The following NBAS variants were observed in gnomAD, a reference collection of about 807,000 sequenced individuals.
The protein encoded by NBAS is NBAS subunit of NRZ tethering complex, also known as NAG/BC035112 fusion.
Under a neutral mutation model 302.5 loss-of-function variants are expected in NBAS, and 219 were observed. The observed-to-expected ratio is 0.72, with a 90% CI of 0.65 to 0.81. NBAS has a LOEUF of 0.81. Ranked by LOEUF, NBAS falls within the 30% of genes least tolerant of loss-of-function variation. The pLI, the probability that NBAS is intolerant of heterozygous loss-of-function variation, is 0.00. For missense variants in NBAS, 2,932 were observed against 2,841.6 expected, an observed-to-expected ratio of 1.03 and a Z score of -0.72; for synonymous variants, 1,118 against 1,021.6, an observed-to-expected ratio of 1.09 and a Z score of -1.80.
the NBAS span, among the ~76,000 whole-genome samples, chr2:14,975,936 C>G: frequency 3.9e-5 from 6 of 152,206 alleles, no homozygotes; most frequent in Non-Finnish European, 7.3e-5. Flanking sequence ...AACATGCCCT[C>G]TGACAATGAT....
At chr2:15,192,506 T>G (rs1003743477) in intron 48 of NBAS, among the ~76,000 whole-genome samples, 1 of 151,828 alleles carries the variant, frequency 6.6e-6, no homozygotes, top group Non-Finnish European at 1.5e-5. Flanking sequence ...AAAAGAAAAA[T>G]TACTATTAAA....
the NBAS span, among the ~76,000 whole-genome samples, chr2:14,971,777 G>A: frequency 1.3e-5 from 2 of 152,186 alleles, no homozygotes; most frequent in African/African-American, 2.4e-5. Context: ...TCACATCTGA[G>A]TCTCAGCTAA....
At chr2:15,035,051 T>C in the NBAS span, among the ~76,000 whole-genome samples, 1 of 152,170 alleles carries the variant, frequency 6.6e-6, no homozygotes, top group African/African-American at 2.4e-5. Flanking sequence ...CGATGTACAG[T>C]ATTTCATAGT....
the NBAS span, among the ~76,000 whole-genome samples, chr2:15,092,089 T>C: frequency 6.6e-6 from 1 of 152,212 alleles, no homozygotes; most frequent in Non-Finnish European, 1.5e-5. Flanking sequence ...ACTGAGGCCC[T>C]GGTCACAGTA....
At chr2:15,366,762 A>G (rs1674229311) in intron 31 of NBAS, 69 bp from the exon 32 acceptor site, 2 of 1,366,558 alleles carry the variant, frequency 1.5e-6, no homozygotes, top group Admixed American at 3.4e-5. Flanking sequence ...GGCCTTCCTA[A>G]TGCAAGGCAT....
chr2:15,145,009 T>A, the NBAS span, among the ~76,000 whole-genome samples: 2 of 151,354 alleles, frequency 1.3e-5, no homozygotes, highest in Admixed American at 6.6e-5. Context: ...TTGGTGTAGC[T>A]ATGAGTAGAG....
the NBAS span, among the ~76,000 whole-genome samples, chr2:14,936,631 G>T: frequency 6.6e-6 from 1 of 152,156 alleles, no homozygotes; most frequent in South Asian, 2.1e-4. Context: ...ACCTGATAAG[G>T]GTGGTGTCTC....
At chr2:14,869,280 G>T in the NBAS span, among the ~76,000 whole-genome samples, 2 of 152,058 alleles carry the variant, frequency 1.3e-5, no homozygotes, top group Non-Finnish European at 2.9e-5. Flanking sequence ...GTTTTAATAT[G>T]CCTAGAGCAA....
At chr2:15,079,705 C>T in the NBAS span, among the ~76,000 whole-genome samples, 2 of 152,124 alleles carry the variant, frequency 1.3e-5, no homozygotes, top group African/African-American at 4.8e-5. Flanking sequence ...GAAGATGTCC[C>T]CTTTCCTCCC....
the NBAS span, among the ~76,000 whole-genome samples, chr2:14,790,987 C>G: frequency 6.6e-6 from 1 of 151,920 alleles, no homozygotes; most frequent in Admixed American, 6.6e-5. Flanking sequence ...TCCTGAGTAG[C>G]TGGGATTACA....
chr2:14,833,348 A>G, the NBAS span, among the ~76,000 whole-genome samples: 1 of 152,144 alleles, frequency 6.6e-6, no homozygotes, highest in African/African-American at 2.4e-5. Flanking sequence ...TTATTCTGAA[A>G]CTATAGATAA....
chr2:15,187,266 C>T (rs888285856), intron 49 of NBAS, among the ~76,000 whole-genome samples: 11 of 152,040 alleles, frequency 7.2e-5, no homozygotes, highest in Middle Eastern at 3.4e-3. Flanking sequence ...TATTTAATGA[C>T]TTTTTTTTCC....
At chr2:14,866,272 T>G in the NBAS span, among the ~76,000 whole-genome samples, 2 of 152,166 alleles carry the variant, frequency 1.3e-5, no homozygotes, top group Non-Finnish European at 2.9e-5. Flanking sequence ...GGTGCTTTCA[T>G]CAAGCAGATG....
intron 31 of NBAS, among the ~76,000 whole-genome samples, chr2:15,366,977 C>T (rs1674241097): frequency 6.6e-6 from 1 of 152,092 alleles, no homozygotes; most frequent in South Asian, 2.1e-4. Flanking sequence ...GTTTTATGTA[C>T]CATGTCAGGA....
intron 38 of NBAS, among the ~76,000 whole-genome samples, chr2:15,314,258 A>T (rs1671408186): frequency 6.6e-6 from 1 of 152,300 alleles, no homozygotes; most frequent in East Asian, 1.9e-4. Context: ...CAGGAGGCTG[A>T]CGCATGAGAA....
At chr2:15,485,126 G>C (rs1222241322) in intron 12 of NBAS, among the ~76,000 whole-genome samples, 1 of 151,894 alleles carries the variant, frequency 6.6e-6, no homozygotes, top group African/African-American at 2.4e-5. Flanking sequence ...TTACCAATGA[G>C]AGGCTTCCCC....
chr2:15,149,592 C>T, the NBAS span, among the ~76,000 whole-genome samples: 1 of 152,058 alleles, frequency 6.6e-6, no homozygotes, highest in Non-Finnish European at 1.5e-5. Context: ...CTCAGGTGAT[C>T]CTCCCATCTC....
At chr2:15,075,169 G>C in the NBAS span, among the ~76,000 whole-genome samples, 23 of 152,138 alleles carry the variant, frequency 1.5e-4, no homozygotes, top group Admixed American at 1.5e-3. Flanking sequence ...ATTATTTTTG[G>C]TAAGTGATGA....
the NBAS span, among the ~76,000 whole-genome samples, chr2:14,832,552 T>C: frequency 3.9e-5 from 6 of 152,116 alleles, no homozygotes; most frequent in Non-Finnish European, 8.8e-5. Flanking sequence ...GTGCCATCGC[T>C]CCACCATTTA....
Sources: allele counts gnomAD v4.1 joint callset (sites outside exome capture counted in the v4.1 genomes callset), GRCh38; gene constraint gnomAD v4.1.1; transcripts MANE v1.5; gene names NCBI Gene and HGNC (gene_info 2026-07-23, HGNC 2026-07-21).